EYS: variants seen among roughly 807,000 people sequenced by gnomAD.
EYS encodes EGF-like photoreceptor maintenance factor.
Under a neutral mutation model 282.1 loss-of-function variants are expected in EYS, and 250 were observed. The observed-to-expected ratio is 0.89, with a 90% CI of 0.80 to 0.98. EYS has a LOEUF of 0.98. EYS is among the 50% of genes least tolerant of loss of function. The pLI, the probability that EYS is intolerant of heterozygous loss-of-function variation, is 0.00. For missense variants in EYS, 4,016 were observed against 3,709.0 expected (o/e 1.08, Z -2.15); for synonymous variants, 1,355 against 1,282.9 (o/e 1.06, Z -1.20).
intron 30 of EYS, among the ~76,000 whole-genome samples, chr6:64,256,939 T>G (rs1767422235): frequency 6.6e-6 from 1 of 152,058 alleles, no homozygotes; most frequent in Non-Finnish European, 1.5e-5. Flanking sequence ...CTATTTCTCC[T>G]TCATTGGTTC....
chr6:64,165,775 C>T (rs1562233877), intron 31 of EYS, among the ~76,000 whole-genome samples: 1 of 152,084 alleles, frequency 6.6e-6, no homozygotes, highest in Non-Finnish European at 1.5e-5. Context: ...TTTTTCAGGA[C>T]CTCAATTACG....
At chr6:65,457,209 C>T (rs1254262024) in intron 5 of EYS, among the ~76,000 whole-genome samples, 1 of 152,096 alleles carries the variant, frequency 6.6e-6, no homozygotes, top group South Asian at 2.1e-4. Context: ...TCTGTCACAT[C>T]GGCTGGAGTG....
At chr6:63,852,081 C>T (rs1169925351) in intron 36 of EYS, among the ~76,000 whole-genome samples, 23 of 132,772 alleles carry the variant, frequency 1.7e-4, no homozygotes, top group South Asian at 4.8e-4. Flanking sequence ...GGCGTGAACC[C>T]GGGAGGCGGA....
At chr6:64,952,958 T>C (rs1002119130) in intron 14 of EYS, among the ~76,000 whole-genome samples, 13 of 151,978 alleles carry the variant, frequency 8.6e-5, no homozygotes, top group Non-Finnish European at 2.9e-5. Context: ...ACATCTATAA[T>C]GATATTCATT....
At chr6:64,149,667 A>G (rs535715184) in intron 31 of EYS, among the ~76,000 whole-genome samples, 2 of 152,314 alleles carry the variant, frequency 1.3e-5, no homozygotes, top group South Asian at 4.1e-4. Context: ...CAGTTTATAA[A>G]TGAGGAACTA....
At chr6:64,190,401 T>C (rs557366181) in intron 31 of EYS, among the ~76,000 whole-genome samples, 1 of 152,178 alleles carries the variant, frequency 6.6e-6, no homozygotes, top group African/African-American at 2.4e-5. Flanking sequence ...GGTAATTATA[T>C]CAATTAAGCA....
intron 12 of EYS, among the ~76,000 whole-genome samples, chr6:65,141,919 A>G (rs957371466): frequency 6.6e-6 from 1 of 152,032 alleles, no homozygotes; most frequent in Non-Finnish European, 1.5e-5. Context: ...TACTCTAAAA[A>G]AATTTTTGAG....
intron 31 of EYS, among the ~76,000 whole-genome samples, chr6:64,170,121 T>C (rs1751223651): frequency 6.6e-6 from 1 of 152,234 alleles, no homozygotes; most frequent in South Asian, 2.1e-4. Flanking sequence ...GGTGCTGATC[T>C]TACCTGCATT....
intron 2 of EYS, among the ~76,000 whole-genome samples, chr6:65,637,043 T>G (rs2046838): frequency 0.35 from 52,880 of 151,904 alleles, 11,526 homozygotes; most frequent in Non-Finnish European, 0.48. Context: ...GGTCTTTAAG[T>G]CCTGGGCTTA....
At position 65,317,825 on chromosome 6, in the gene EYS, CCTTTCTTT is replaced by C. The variant is rs201156936; in HGVS notation, c.1766+17147_1766+17154del. Among the ~76,000 whole-genome samples the C allele has an allele frequency of 5.6e-3, 452 of 81,130 alleles. 3 individuals carry two copies. The highest frequency in any genetic ancestry group is 7.5e-3 in the South Asian group (16 of 2,128). The allele number at this position is 81,130 out of a possible 152,430, so 53.2% of individuals were successfully genotyped here. A position where few individuals can be genotyped will look rare whatever the true frequency, so the allele number is the denominator to read the frequency against. ...TCCTTCCTTCCTTCCTTCCTTCCTT[CCTTTCTTT>C]CTTTCTTTCTTTCTTTCTTTCTTTC... On this transcript the variant is annotated intron_variant, in intron 11 of 42. Coordinates refer to ENST00000503581, the MANE Select transcript of EYS (RefSeq NM_001142800.2).
intron 13 of EYS, among the ~76,000 whole-genome samples, chr6:65,014,250 A>G (rs1771974503): frequency 6.6e-6 from 1 of 152,202 alleles, no homozygotes; most frequent in Non-Finnish European, 1.5e-5. Context: ...TGAGCCTTAG[A>G]TTAGCTCACA....
intron 11 of EYS, among the ~76,000 whole-genome samples, chr6:65,314,229 A>C (rs1582131983): frequency 6.6e-6 from 1 of 150,484 alleles, no homozygotes; most frequent in East Asian, 2.0e-4. Context: ...TTAAAATCGA[A>C]ACCCCCCCTC....
At chr6:65,524,696 A>C (rs919231463) in intron 2 of EYS, among the ~76,000 whole-genome samples, 3 of 152,216 alleles carry the variant, frequency 2.0e-5, no homozygotes, top group Non-Finnish European at 4.4e-5. Flanking sequence ...AATTCCTTAG[A>C]ATCAATGTTG....
At chr6:64,697,822 G>A (rs1023776353) in intron 22 of EYS, among the ~76,000 whole-genome samples, 2 of 151,892 alleles carry the variant, frequency 1.3e-5, no homozygotes, top group African/African-American at 4.8e-5. Flanking sequence ...CGCACCTGTA[G>A]TCCCAGCTAC....
intron 12 of EYS, among the ~76,000 whole-genome samples, chr6:65,135,803 G>T (rs1309640822): frequency 1.3e-5 from 2 of 151,890 alleles, no homozygotes; most frequent in African/African-American, 4.8e-5. Context: ...ATTATACATA[G>T]CTCTCTGTGA....
chr6:64,426,793 T>C (rs67129217), intron 28 of EYS, among the ~76,000 whole-genome samples: 42,104 of 151,992 alleles, frequency 0.28, 5,952 homozygotes, highest in East Asian at 0.46. Context: ...AAGCAACTTA[T>C]CATGCCATGA....
chr6:64,299,511 G>C (rs530493570), intron 30 of EYS, among the ~76,000 whole-genome samples: 3 of 152,208 alleles, frequency 2.0e-5, no homozygotes, highest in African/African-American at 7.2e-5. Flanking sequence ...TGGTGATTGT[G>C]ACGGAACCCT....
At chr6:64,310,804 T>C (rs1043881547) in intron 29 of EYS, among the ~76,000 whole-genome samples, 1 of 152,024 alleles carries the variant, frequency 6.6e-6, no homozygotes, top group Non-Finnish European at 1.5e-5. Context: ...ACTGAGCATA[T>C]GAGTGAACAA....
At chr6:65,546,055 T>C (rs1768372804) in intron 2 of EYS, among the ~76,000 whole-genome samples, 1 of 151,420 alleles carries the variant, frequency 6.6e-6, no homozygotes. Flanking sequence ...AGTCTGGATC[T>C]GTCACCCAGG....
Sources: allele counts gnomAD v4.1 joint callset (sites outside exome capture counted in the v4.1 genomes callset), GRCh38; gene constraint gnomAD v4.1.1; transcripts MANE v1.5; gene names NCBI Gene and HGNC (gene_info 2026-07-23, HGNC 2026-07-21).